The following ADGRL3 variants were observed in gnomAD, a reference collection of about 807,000 sequenced individuals.
The protein encoded by ADGRL3 is calcium-independent alpha-latrotoxin receptor 3.
In ADGRL3, 62 loss-of-function variants were observed where a neutral mutation model predicts 153.5. The ratio of observed to expected loss-of-function variants is 0.40; its 90% confidence interval spans 0.33 to 0.50. The LOEUF (loss-of-function observed/expected upper bound fraction) is 0.50, where lower values mean the gene tolerates loss of function less well. Ranked by LOEUF, ADGRL3 falls within the 20% of genes least tolerant of loss-of-function variation. ADGRL3 has a pLI of 0.47. For missense variants in ADGRL3, 1,641 were observed against 1,859.4 expected, an observed-to-expected ratio of 0.88 and a Z score of 2.16; for synonymous variants, 710 against 672.5, an observed-to-expected ratio of 1.06 and a Z score of -0.86.
intron 5 of ADGRL3, among the ~76,000 whole-genome samples, chr4:61,604,106 A>G (rs2099022869): frequency 6.6e-6 from 1 of 152,048 alleles, no homozygotes; most frequent in Non-Finnish European, 1.5e-5. Context: ...GGTCTGGGAA[A>G]CGAATACTGA....
rs946048948 is a variant in ADGRL3 at position 61,787,366 on chromosome 4, T to A, written c.1400-26443T>A. Reference sequence around the variant, plus strand: ...TTAAAAGTATAGTCATACTTTTTTTTTAAAAAAAAAGCATAGGTACATATA... The same window carrying A: ...TTAAAAGTATAGTCATACTTTTTTTATAAAAAAAAAGCATAGGTACATATA... On this transcript the variant is annotated intron_variant, in intron 8 of 26. Coordinates refer to ENST00000683033, the MANE Select transcript of ADGRL3 (RefSeq NM_001387552.1). Among the ~76,000 whole-genome samples, 26 of 152,078 alleles carry A rather than the reference T, an allele frequency of 1.7e-4. No homozygotes were observed. The South Asian group carries it at 2.7e-3, about 16-fold the overall frequency.
At chr4:61,592,842 T>C (rs1324477058) in intron 5 of ADGRL3, among the ~76,000 whole-genome samples, 3 of 152,170 alleles carry the variant, frequency 2.0e-5, no homozygotes, top group Admixed American at 6.5e-5. Flanking sequence ...GGGAATTGTG[T>C]TAGGTCTCCT....
intron 1 of ADGRL3, among the ~76,000 whole-genome samples, chr4:61,298,443 CA>C (rs2094481654): frequency 1.3e-5 from 2 of 152,148 alleles, no homozygotes; most frequent in Non-Finnish European, 2.9e-5. Context: ...TTTCATTAAA[CA>C]AAAGCCTTTT....
At position 61,560,733 on chromosome 4, in the gene ADGRL3, A is replaced by G. The variant is rs573129956; in HGVS notation, c.260-26494A>G. 3.3e-5 allele frequency among the ~76,000 whole-genome samples: 5 copies of G among 152,144 alleles called. No homozygotes were observed. In the East Asian group the frequency reaches 9.7e-4, roughly 29 times the overall value. On this transcript the variant is annotated intron_variant, in intron 4 of 26. Coordinates refer to ENST00000683033, the MANE Select transcript of ADGRL3 (RefSeq NM_001387552.1). ...CAACTTACGGAGGTCTATTATCTCC[A>G]TGCAACTGACTCAATATGGCTTCTC...
intron 8 of ADGRL3, among the ~76,000 whole-genome samples, chr4:61,806,140 C>T (rs2097550047): frequency 6.6e-6 from 1 of 152,110 alleles, no homozygotes; most frequent in East Asian, 1.9e-4. Flanking sequence ...TGACAGAGTA[C>T]ACATATGAGC....
At chr4:61,969,926 C>A (rs1200769865) in intron 17 of ADGRL3, among the ~76,000 whole-genome samples, 4 of 152,166 alleles carry the variant, frequency 2.6e-5, no homozygotes, top group African/African-American at 9.6e-5. Flanking sequence ...TTTTAACCTT[C>A]TGCATCCATC....
intron 2 of ADGRL3, among the ~76,000 whole-genome samples, chr4:61,439,724 G>T (rs940717665): frequency 2.6e-5 from 4 of 152,036 alleles, no homozygotes; most frequent in African/African-American, 9.7e-5. Context: ...CTGTTCTTGT[G>T]ATAGTTTGCT....
At chr4:61,282,174 A>G (rs1479851903) in intron 1 of ADGRL3, among the ~76,000 whole-genome samples, 1 of 152,106 alleles carries the variant, frequency 6.6e-6, no homozygotes, top group Non-Finnish European at 1.5e-5. Context: ...ACTAATTTGC[A>G]TATTTTCAAG....
intron 12 of ADGRL3, 93 bp from the exon 13 acceptor site, chr4:61,912,626 T>C (rs1024639710): frequency 9.2e-7 from 1 of 1,090,534 alleles, no homozygotes; most frequent in African/African-American, 1.6e-5. Flanking sequence ...TAAGGTGTTT[T>C]GTGTAGATGT....
intron 2 of ADGRL3, among the ~76,000 whole-genome samples, chr4:61,448,947 A>AT (rs1014223565): frequency 1.3e-5 from 2 of 151,760 alleles, no homozygotes; most frequent in African/African-American, 2.4e-5. Context: ...TAATTAGGAG[A>AT]TTTTTTTGAG....
intron 15 of ADGRL3, among the ~76,000 whole-genome samples, chr4:61,946,521 T>G (rs1466850911): frequency 6.6e-6 from 1 of 152,146 alleles, no homozygotes; most frequent in Non-Finnish European, 1.5e-5. Flanking sequence ...GATTGTTGGT[T>G]TTGATAAAGT....
At chr4:61,556,723 T>C (rs1190293647) in intron 4 of ADGRL3, among the ~76,000 whole-genome samples, 1 of 152,146 alleles carries the variant, frequency 6.6e-6, no homozygotes, top group African/African-American at 2.4e-5. Flanking sequence ...AGCAGCTGGA[T>C]GTAAAATGAT....
At chr4:61,619,547 A>ACT (rs1553984433) in intron 5 of ADGRL3, among the ~76,000 whole-genome samples, 3 of 141,894 alleles carry the variant, frequency 2.1e-5, no homozygotes, top group Non-Finnish European at 4.7e-5. Context: ...ACACACACAC[A>ACT]CTCTAATCAT....
intron 17 of ADGRL3, among the ~76,000 whole-genome samples, chr4:61,971,643 C>T (rs1048385678): frequency 1.3e-5 from 2 of 152,002 alleles, no homozygotes; most frequent in Admixed American, 1.3e-4. Flanking sequence ...TTTATAGCAG[C>T]ATGATTTATA....
chr4:61,604,765 C>A (rs995659178), intron 5 of ADGRL3, among the ~76,000 whole-genome samples: 1 of 151,930 alleles, frequency 6.6e-6, no homozygotes, highest in Admixed American at 6.6e-5. Flanking sequence ...TTGTTTTTAG[C>A]AGTAATCAAA....
intron 1 of ADGRL3, among the ~76,000 whole-genome samples, chr4:61,276,617 C>T (rs2093472175): frequency 6.6e-6 from 1 of 152,070 alleles, no homozygotes; most frequent in African/African-American, 2.4e-5. Context: ...ATTTCTAATT[C>T]ATTTTTGTCA....
chr4:61,757,968 G>C (rs2096858458), intron 8 of ADGRL3, among the ~76,000 whole-genome samples: 1 of 152,180 alleles, frequency 6.6e-6, no homozygotes, highest in African/African-American at 2.4e-5. Flanking sequence ...TAGTTTGATT[G>C]CACTGTGGTC....
chr4:61,435,656 T>G (rs934409970), intron 2 of ADGRL3, among the ~76,000 whole-genome samples: 1 of 152,126 alleles, frequency 6.6e-6, no homozygotes, highest in Non-Finnish European at 1.5e-5. Flanking sequence ...TTGTCCAATA[T>G]GTTACCTTTC....
At chr4:61,333,448 T>C (rs909425247) in intron 1 of ADGRL3, among the ~76,000 whole-genome samples, 16 of 152,312 alleles carry the variant, frequency 1.1e-4, no homozygotes, top group African/African-American at 3.6e-4. Context: ...GCCACCTTAA[T>C]TGAAGTGTGG....
Sources: gnomAD v4.1 joint callset for allele counts (sites outside exome capture counted in the v4.1 genomes callset) on GRCh38, gnomAD v4.1.1 for gene constraint, MANE v1.5 for transcripts, NCBI Gene and HGNC (gene_info 2026-07-23, HGNC 2026-07-21) for gene names.